ADGRB1: variants seen among roughly 807,000 people sequenced by gnomAD.
ADGRB1 encodes adhesion G protein-coupled receptor B1, also known as brain-specific angiogenesis inhibitor 1.
In ADGRB1, 36 loss-of-function variants were observed where a neutral mutation model predicts 175.7. That is an observed-to-expected ratio of 0.20 (90% CI 0.16 to 0.27). The LOEUF (loss-of-function observed/expected upper bound fraction) is 0.27. Ranked by LOEUF, ADGRB1 falls within the 10% of genes least tolerant of loss-of-function variation. ADGRB1 has a pLI of 1.00. For missense variants in ADGRB1, 1,731 were observed against 2,255.3 expected (o/e 0.77, Z 4.71); for synonymous variants, 1,054 against 979.4 (o/e 1.08, Z -1.42).
intron 11 of ADGRB1, among the ~76,000 whole-genome samples, chr8:142,483,043 G>A (rs923327684): frequency 7.0e-6 from 1 of 143,148 alleles, no homozygotes; most frequent in African/African-American, 2.6e-5. Context: ...TGGTCACACT[G>A]AGCCCTGATC....
At chr8:142,475,908 G>T (rs142325528) in intron 3 of ADGRB1, among the ~76,000 whole-genome samples, 1 of 113,720 alleles carries the variant, frequency 8.8e-6, no homozygotes, top group Non-Finnish European at 2.1e-5. Context: ...GGGCTGGCCC[G>T]TGGGAGTGGG....
Position 142,477,220 on chromosome 8 carries a change from G to T in ADGRB1, c.1164G>T (p.Thr388=), listed in dbSNP as rs552729248. ...TRFCVSSSYS[T]QCSGPLREQR... is the part of the protein sequence containing the mutation. ...TCTGCGTGTCCTCCTCCTACAGCAC[G>T]CAGTGCAGCGGACCCCTGCGCGAGC... Residue 388 remains threonine, a synonymous_variant, in exon 5 of 31, where the codon ACG becomes ACT. Transcript: ENST00000517894. 1 of 1,598,786 alleles carries T rather than the reference G, an allele frequency of 6.3e-7. No individual in the cohort carries two copies. The highest frequency in any genetic ancestry group is 8.5e-7 in the Non-Finnish European group (1 of 1,177,030).
In ADGRB1 at chr8:142,542,120, G is replaced by A. The variant is rs759033069; in HGVS notation, c.3886G>A (p.Gly1296Ser). 1.4e-5 allele frequency: 22 copies of A among 1,613,462 alleles called. No individual in the cohort carries two copies. The highest frequency in any genetic ancestry group is 2.2e-5 in the East Asian group (1 of 44,860). Residue 1296 changes from glycine to serine, a missense_variant, in exon 28 of 31, where the codon GGC (glycine) becomes AGC (serine). Gly to Ser is a moderately conservative substitution (Grantham distance 56). Around this residue, in one of 8 missense-constraint regions of ADGRB1, gnomAD observed 394 missense variants for 410.2 expected, o/e 0.96. Coordinates refer to ENST00000517894, the MANE Select transcript of ADGRB1 (RefSeq NM_001702.3). This position sits in a 1 kb window ranked among gnomAD's most constrained non-coding sequence, Gnocchi z 6.3. ...CCTGCACGGCTCACCCCGCTATCCC[G>A]GCGGGCCCCTGCCCGACTTCCCCAA... ...LHLHGSPRYP[G>S]GPLPDFPNHS...
chr8:142,476,735 G>A, intron 4 of ADGRB1, 40 bp downstream of exon 4: 2 of 1,494,676 alleles, frequency 1.3e-6, no homozygotes, highest in South Asian at 2.5e-5. Context: ...CTAGGGCTTT[G>A]GGAAAATACT....
At chr8:142,540,096 C>T (rs1461840383) in intron 27 of ADGRB1, 1 of 152,524 alleles carries the variant, frequency 6.6e-6, no homozygotes, top group Non-Finnish European at 1.5e-5. Flanking sequence ...GAGGCAGTGA[C>T]AGGCAGTGGC....
chr8:142,502,101 T>G (rs1212226632), intron 17 of ADGRB1, among the ~76,000 whole-genome samples: 1 of 71,930 alleles, frequency 1.4e-5, no homozygotes, highest in Non-Finnish European at 2.9e-5. Context: ...GTTGCGTGAT[T>G]TTGATGACGG....
chr8:142,452,323 G>C (rs1839399061), intron 1 of ADGRB1, among the ~76,000 whole-genome samples: 1 of 152,188 alleles, frequency 6.6e-6, no homozygotes, highest in Non-Finnish European at 1.5e-5. Context: ...TCGAGCCTGG[G>C]GTTTGCCGCC....
chr8:142,457,552 C>T (rs1447881596), intron 1 of ADGRB1, among the ~76,000 whole-genome samples: 1 of 151,896 alleles, frequency 6.6e-6, no homozygotes, highest in African/African-American at 2.4e-5. Context: ...CCCAGGGGGT[C>T]CGACCCTGCT....
Position 142,543,666 on chromosome 8 carries a change from CGCA to C in ADGRB1, c.4518_4520del (p.Ala1507del), listed in dbSNP as rs1563758450. 1.3e-6 allele frequency: 2 copies of C among 1,563,194 alleles called. No homozygotes were observed. The highest frequency in any genetic ancestry group is 4.8e-5 in the East Asian group (2 of 41,696). On this transcript the variant is annotated inframe_deletion, in exon 30 of 31. Coordinates refer to ENST00000517894, the MANE Select transcript of ADGRB1 (RefSeq NM_001702.3). This position sits in a 1 kb window ranked among gnomAD's most constrained non-coding sequence, Gnocchi z 4.4. ...AGGACCTGAACCGGAAGCTGCAGCA[CGCA>C]GCGGAGAAGGACAAGGAGGTGCTGG...
At chr8:142,490,632 C>A (rs944948847) in intron 16 of ADGRB1, 140 bp from the exon 17 acceptor site, 3 of 978,928 alleles carry the variant, frequency 3.1e-6, no homozygotes, top group African/African-American at 1.6e-5. Flanking sequence ...TCAGTTTCCT[C>A]CTCGCAAAAC....
chr8:142,519,630 G>C (rs536424317), intron 19 of ADGRB1, among the ~76,000 whole-genome samples: 2 of 151,392 alleles, frequency 1.3e-5, no homozygotes, highest in African/African-American at 4.9e-5. Context: ...GATGGTGGTG[G>C]TGGTGCTGGT....
intron 25 of ADGRB1, among the ~76,000 whole-genome samples, chr8:142,534,468 G>T (rs1050213458): frequency 5.3e-5 from 8 of 152,226 alleles, no homozygotes; most frequent in African/African-American, 1.9e-4. Context: ...AAGTGGATGT[G>T]CTGAGCCTGG....
chr8:142,536,830 C>T (rs560378448), intron 25 of ADGRB1, among the ~76,000 whole-genome samples, 157 bp from the exon 26 acceptor site: 1 of 152,228 alleles, frequency 6.6e-6, no homozygotes, highest in South Asian at 2.1e-4. Context: ...GGTCATGACT[C>T]AGCAGACCAG....
intron 3 of ADGRB1, among the ~76,000 whole-genome samples, chr8:142,476,127 C>T (rs914003182): frequency 6.6e-6 from 1 of 152,272 alleles, no homozygotes; most frequent in Non-Finnish European, 1.5e-5. Flanking sequence ...TCTCTAATGA[C>T]CCCATGCATT....
intron 2 of ADGRB1, among the ~76,000 whole-genome samples, chr8:142,469,285 ATGTG>A (rs375271813): frequency 1.0e-3 from 145 of 141,100 alleles, no homozygotes; most frequent in Non-Finnish European, 1.9e-3. Flanking sequence ...AGGTGAGTGA[ATGTG>A]TGTGCACGCG....
At chr8:142,489,529 C>T (rs1004906124) in intron 16 of ADGRB1, 91 bp downstream of exon 16, 1 of 1,349,514 alleles carries the variant, frequency 7.4e-7, no homozygotes, top group African/African-American at 1.4e-5. Context: ...CCTTTGGGGC[C>T]TCCTCACAAC....
chr8:142,525,202 C>A (rs1268291853), intron 23 of ADGRB1, among the ~76,000 whole-genome samples: 1 of 151,930 alleles, frequency 6.6e-6, no homozygotes, highest in Admixed American at 6.5e-5. Context: ...GGGCGCCATC[C>A]TTGGGCAGCC....
At chr8:142,452,934 GC>G (rs1300691803) in intron 1 of ADGRB1, among the ~76,000 whole-genome samples, 4 of 147,742 alleles carry the variant, frequency 2.7e-5, no homozygotes, top group African/African-American at 9.8e-5. Flanking sequence ...CCCGCACCGC[GC>G]CCGCGCGGCC....
At chr8:142,490,892 G>A in intron 17 of ADGRB1, 77 bp downstream of exon 17, 1 of 1,512,108 alleles carries the variant, frequency 6.6e-7, no homozygotes, top group Admixed American at 2.0e-5. Context: ...GGGGAGGGGT[G>A]CAGGTTTCAG....
Sources: allele counts gnomAD v4.1 joint callset (sites outside exome capture counted in the v4.1 genomes callset), GRCh38; gene constraint gnomAD v4.1.1; regional missense constraint gnomAD v4.1.1; non-coding constraint Gnocchi (gnomAD v3.1); transcripts MANE v1.5; gene names NCBI Gene and HGNC (gene_info 2026-07-23, HGNC 2026-07-21).